The following ZEB2 variants were observed in gnomAD, a reference collection of about 807,000 sequenced individuals.
The protein encoded by ZEB2 is zinc finger E-box binding homeobox 2.
ZEB2 carries 6 observed loss-of-function variants against 99.9 expected under a neutral mutation model. That is an observed-to-expected ratio of 0.06 (90% CI 0.03 to 0.12). The LOEUF is 0.12. ZEB2 is among the 10% of genes least tolerant of loss of function. The pLI is 1.00. For synonymous variants in ZEB2, 517 were observed against 542.5 expected, an observed-to-expected ratio of 0.95 and a Z score of 0.65; for missense variants, 969 against 1,502.8, an observed-to-expected ratio of 0.64 and a Z score of 5.87.
At chr2:144,413,828 C>CT (rs1248786301) in intron 4 of ZEB2, among the ~76,000 whole-genome samples, 8 of 152,210 alleles carry the variant, frequency 5.3e-5, no homozygotes, top group Admixed American at 2.0e-4. Flanking sequence ...TGTATCGCTT[C>CT]TGTTACTGAT....
At chr2:144,418,992 A>C (rs1409721217) in intron 4 of ZEB2, among the ~76,000 whole-genome samples, 1 of 152,142 alleles carries the variant, frequency 6.6e-6, no homozygotes, top group South Asian at 2.1e-4. Context: ...AAGAAAATAA[A>C]AATAAAGTTA....
At chr2:144,462,175 G>A (rs1704202840) in intron 2 of ZEB2, 1 of 151,766 alleles carries the variant, frequency 6.6e-6, no homozygotes, top group Admixed American at 6.6e-5. Flanking sequence ...GAAAAAAGAA[G>A]AATAAAAGAA....
At chr2:144,470,694 A>G (rs534852758) in intron 2 of ZEB2, among the ~76,000 whole-genome samples, 11 of 152,312 alleles carry the variant, frequency 7.2e-5, no homozygotes, top group Non-Finnish European at 1.0e-4. Context: ...TCTAGAAGCC[A>G]TAAGTTGCTT....
At chr2:144,452,735 C>A (rs1032672580) in intron 2 of ZEB2, among the ~76,000 whole-genome samples, 1 of 152,092 alleles carries the variant, frequency 6.6e-6, no homozygotes, top group Non-Finnish European at 1.5e-5. Context: ...TTTTTCCTGT[C>A]GCCATCTCGG....
chr2:144,475,718 G>T (rs1396235274), intron 2 of ZEB2, among the ~76,000 whole-genome samples: 1 of 152,112 alleles, frequency 6.6e-6, no homozygotes, highest in African/African-American at 2.4e-5. Flanking sequence ...TCCTGTGCAG[G>T]TGGAGATTAG....
intron 4 of ZEB2, among the ~76,000 whole-genome samples, chr2:144,408,881 T>C (rs1283509459): frequency 6.6e-6 from 1 of 152,142 alleles, no homozygotes; most frequent in Non-Finnish European, 1.5e-5. Context: ...TCCAATTAAA[T>C]TCAATAAATC....
intron 2 of ZEB2, among the ~76,000 whole-genome samples, chr2:144,478,668 G>A (rs1397126980): frequency 6.6e-6 from 1 of 152,198 alleles, no homozygotes; most frequent in Non-Finnish European, 1.5e-5. Context: ...CAACGCCAAT[G>A]CAATGAAACT....
rs779398663 is a variant in ZEB2, at chr2:144,424,408, T to A, written c.403+388A>T. 9.6e-6 allele frequency: 5 copies of A among 522,628 alleles called. No individual in the cohort carries two copies. The African/African-American group carries it at 9.6e-5, about 10-fold the overall frequency. 32.4% of individuals were successfully genotyped at this position (522,628 alleles called of 1,614,324 possible). Reference sequence around the variant, plus strand: ...AAATTTTACAGTCTAAATTACACCTTATCATTTGAATTCTCAACGACTGAT... The same window carrying A: ...AAATTTTACAGTCTAAATTACACCTAATCATTTGAATTCTCAACGACTGAT... On this transcript the variant is annotated intron_variant, in intron 4 of 9. Transcript: ENST00000627532.
chr2:144,434,775 A>G (rs1703815639), intron 2 of ZEB2, among the ~76,000 whole-genome samples: 1 of 152,212 alleles, frequency 6.6e-6, no homozygotes, highest in Admixed American at 6.6e-5. Flanking sequence ...CAATACACCC[A>G]TGTTTCCTGC....
At chr2:144,407,362 T>A (rs989711898) in intron 4 of ZEB2, among the ~76,000 whole-genome samples, 3 of 152,200 alleles carry the variant, frequency 2.0e-5, no homozygotes, top group African/African-American at 7.2e-5. Context: ...TAATAAAGAA[T>A]ATGGGCTTTA....
rs749708858 is a variant in ZEB2, at chr2:144,398,379, G to A, written c.2808C>T (p.Ala936=). ...TAGCTGCTCCAGTTGGGTAGGTGTAGGCCATATGTGGTAGGAAGCTCATCT... is the reference window on the plus strand; with the variant it reads ...TAGCTGCTCCAGTTGGGTAGGTGTAAGCCATATGTGGTAGGAAGCTCATCT... ...LDQMSFLPHM[A]YTYPTGAATF... is the part of the protein sequence containing the mutation. The change falls in exon 8 of 10, where the codon GCC becomes GCT. Residue 936 remains alanine (A), a synonymous_variant. Coordinates refer to ENST00000627532, the MANE Select transcript of ZEB2 (RefSeq NM_014795.4). 1 of 1,614,072 alleles carries A rather than the reference G, an allele frequency of 6.2e-7. No homozygotes were observed. The highest frequency in any genetic ancestry group is 1.7e-5 in the Admixed American group (1 of 60,022).
At chr2:144,432,593 A>C (rs191989755) in intron 2 of ZEB2, among the ~76,000 whole-genome samples, 119 of 152,274 alleles carry the variant, frequency 7.8e-4, no homozygotes, top group African/African-American at 2.7e-3. Context: ...TCTAAATCCC[A>C]GGATTTTCCT....
chr2:144,392,626 T>G (rs1191139435), intron 9 of ZEB2, among the ~76,000 whole-genome samples: 3 of 152,224 alleles, frequency 2.0e-5, no homozygotes, highest in Non-Finnish European at 2.9e-5. Flanking sequence ...TTACACTAAA[T>G]AGTCTACTGA....
At chr2:144,405,564 A>T (rs61238545) in intron 4 of ZEB2, among the ~76,000 whole-genome samples, 1,829 of 152,236 alleles carry the variant, frequency 0.012, 41 homozygotes, top group African/African-American at 0.042. Flanking sequence ...TCTGAGACAG[A>T]TGCAAAAGGA....
chr2:144,513,795 AG>A (rs1326959619), intron 2 of ZEB2: 1 of 1,536,118 alleles, frequency 6.5e-7, no homozygotes, highest in Non-Finnish European at 8.7e-7. Flanking sequence ...TCTGACTCCA[AG>A]GCTGTGTGGA....
intron 5 of ZEB2, 21 bp downstream of exon 5, chr2:144,404,815 A>C (rs1162399079): frequency 6.2e-7 from 1 of 1,612,152 alleles, no homozygotes; most frequent in Non-Finnish European, 8.5e-7. Flanking sequence ...TGCAGTGGCT[A>C]AAAATGATTT....
chr2:144,488,670 AGTGT>A (rs57221448), intron 2 of ZEB2, among the ~76,000 whole-genome samples: 20,979 of 148,034 alleles, frequency 0.14, 1,782 homozygotes, highest in South Asian at 0.35. Context: ...CTCGTGTGTG[AGTGT>A]GTGTGTGTGT....
chr2:144,517,489 GGA>G, intron 1 of ZEB2, 70 bp from the exon 2 acceptor site: 3 of 1,080,674 alleles, frequency 2.8e-6, no homozygotes, highest in Non-Finnish European at 2.8e-6. Flanking sequence ...GCCGCCCAGG[GGA>G]GCCGGGCCAG....
At chr2:144,416,984 G>A (rs767344823) in intron 4 of ZEB2, among the ~76,000 whole-genome samples, 4 of 152,132 alleles carry the variant, frequency 2.6e-5, no homozygotes, top group Non-Finnish European at 4.4e-5. Flanking sequence ...AAATGATAGC[G>A]CATTTATTAT....
Sources: gnomAD v4.1 joint callset for allele counts (sites outside exome capture counted in the v4.1 genomes callset) on GRCh38, gnomAD v4.1.1 for gene constraint, MANE v1.5 for transcripts, NCBI Gene and HGNC (gene_info 2026-07-23, HGNC 2026-07-21) for gene names.